Variants in GAB2 observed in about 807,000 individuals in gnomAD.
GAB2 encodes GRB2-associated-binding protein 2.
Under a neutral mutation model 65.5 loss-of-function variants are expected in GAB2, and 26 were observed. That is an observed-to-expected ratio of 0.40 (90% confidence interval 0.29 to 0.55). The LOEUF is 0.55. Ranked by LOEUF, GAB2 falls within the 20% of genes least tolerant of loss-of-function variation. GAB2 has a pLI of 0.53. For synonymous variants in GAB2, 321 were observed against 329.6 expected (o/e 0.97, Z 0.28); for missense variants, 884 against 875.8 (o/e 1.01, Z -0.12).
chr11:78,384,138 G>A (rs1856735670), intron 1 of GAB2, among the ~76,000 whole-genome samples: 1 of 152,182 alleles, frequency 6.6e-6, no homozygotes. Flanking sequence ...TACCAAACCT[G>A]ATGCACCTCA....
At chr11:78,373,285 G>A (rs1043354676) in intron 1 of GAB2, among the ~76,000 whole-genome samples, 21 of 150,216 alleles carry the variant, frequency 1.4e-4, no homozygotes, top group African/African-American at 4.9e-4. Context: ...TGTTGCCCAG[G>A]CTGGAGTGCA....
At chr11:78,264,605 C>G (rs1328279319) in intron 2 of GAB2, among the ~76,000 whole-genome samples, 4 of 151,702 alleles carry the variant, frequency 2.6e-5, no homozygotes, top group Non-Finnish European at 4.4e-5. Context: ...CGGGGTTTCG[C>G]CATGTTGGCC....
intron 1 of GAB2, among the ~76,000 whole-genome samples, chr11:78,376,050 G>GT (rs1856627893): frequency 6.6e-6 from 1 of 152,194 alleles, no homozygotes; most frequent in Admixed American, 6.5e-5. Context: ...AGATCAGAAC[G>GT]TAAGTATAAT....
At chr11:78,407,658 TAAGAAAGAAAGAAAGAAAGA>T (rs375405621) in intron 1 of GAB2, among the ~76,000 whole-genome samples, 9 of 117,138 alleles carry the variant, frequency 7.7e-5, no homozygotes, top group Admixed American at 2.8e-4. Context: ...AGAAAGAAAG[TAAGAAAGAAAGAAAGAAAGA>T]AAGAAAGAAA....
intron 3 of GAB2, among the ~76,000 whole-genome samples, chr11:78,235,471 C>G (rs952906217): frequency 1.3e-5 from 2 of 152,138 alleles, no homozygotes; most frequent in African/African-American, 4.8e-5. Flanking sequence ...TTTTCTATCA[C>G]ATCGTCAGGT....
intron 1 of GAB2, among the ~76,000 whole-genome samples, chr11:78,308,302 G>C (rs944874541): frequency 1.3e-5 from 2 of 152,144 alleles, no homozygotes; most frequent in South Asian, 4.1e-4. Flanking sequence ...GGGAGGCTGA[G>C]GGTGCAGTAA....
intron 1 of GAB2, among the ~76,000 whole-genome samples, chr11:78,389,263 C>G (rs1341861641): frequency 1.1e-4 from 16 of 151,406 alleles, no homozygotes; most frequent in Admixed American, 1.1e-3. Context: ...ACTCCATGTC[C>G]TTTTCTACCT....
At chr11:78,395,583 C>A (rs1378791799) in intron 1 of GAB2, among the ~76,000 whole-genome samples, 1 of 152,214 alleles carries the variant, frequency 6.6e-6, no homozygotes, top group Non-Finnish European at 1.5e-5. Flanking sequence ...CTTTCAGTAA[C>A]CCAGTGTGAC....
At position 78,320,180 on chromosome 11, in the gene GAB2, CAG is replaced by C. The variant is rs1486528052; in HGVS notation, c.76-39281_76-39280del. On this transcript the variant is annotated intron_variant, in intron 1 of 9. Transcript: ENST00000361507. ...GCCACTGCGCCCAGGTGAGAAGAAA[CAG>C]ATAATTTTGAAAAACAATTTTATTT... Among the ~76,000 whole-genome samples the C allele has an allele frequency of 1.3e-4, 20 of 152,242 alleles. No individual in the cohort carries two copies. In the East Asian group the frequency reaches 3.9e-3, roughly 29 times the overall value.
intron 1 of GAB2, among the ~76,000 whole-genome samples, chr11:78,397,179 A>AAAAC (rs778856862): frequency 2.0e-5 from 3 of 152,204 alleles, no homozygotes; most frequent in Non-Finnish European, 2.9e-5. Flanking sequence ...AACCTGTTGC[A>AAAAC]AAACAAACAA....
At chr11:78,348,677 GT>G (rs1856228222) in intron 1 of GAB2, among the ~76,000 whole-genome samples, 1 of 152,176 alleles carries the variant, frequency 6.6e-6, no homozygotes, top group Non-Finnish European at 1.5e-5. Context: ...TTCTCAAAAA[GT>G]TTAACACGTA....
intron 2 of GAB2, among the ~76,000 whole-genome samples, chr11:78,270,125 A>C (rs2510051): frequency 0.2 from 30,455 of 151,970 alleles, 3,292 homozygotes; most frequent in East Asian, 0.4. Flanking sequence ...TCAGGAGATC[A>C]ATATCATCCT....
intron 1 of GAB2, among the ~76,000 whole-genome samples, chr11:78,399,742 C>G (rs1169184159): frequency 6.6e-6 from 1 of 152,170 alleles, no homozygotes; most frequent in African/African-American, 2.4e-5. Flanking sequence ...AAATGTAAGT[C>G]AACATCATCC....
rs1447202749 is a variant in GAB2, at chr11:78,312,629, A to G, written c.76-31728T>C. 3.9e-5 allele frequency among the ~76,000 whole-genome samples: 6 copies of G among 152,092 alleles called. No individual in the cohort carries two copies. The South Asian group carries it at 6.2e-4, about 16-fold the overall frequency. ...GTTTTAGTAGAGACAGGGTTTCACC[A>G]TGTTGGCCAGACTGGTCATGAACTC... On this transcript the variant is annotated intron_variant, in intron 1 of 9. Coordinates refer to ENST00000361507, the MANE Select transcript of GAB2 (RefSeq NM_080491.3).
At chr11:78,230,794 C>A (rs530235888) in intron 3 of GAB2, among the ~76,000 whole-genome samples, 1 of 152,266 alleles carries the variant, frequency 6.6e-6, no homozygotes, top group Admixed American at 6.5e-5. Context: ...GGTGCCCCCA[C>A]TGCGCAAACC....
At chr11:78,406,430 T>A (rs139091324) in intron 1 of GAB2, among the ~76,000 whole-genome samples, 138 of 151,684 alleles carry the variant, frequency 9.1e-4, no homozygotes, top group African/African-American at 2.8e-3. Flanking sequence ...CAGGTTGGAG[T>A]GCAATGGCAT....
rs1257250650 is a variant in GAB2, at chr11:78,346,735, T to TA, written c.76-65835_76-65834insT. On this transcript the variant is annotated intron_variant, in intron 1 of 9. Transcript: ENST00000361507. ...TATATATATATAATTTTTTTTTTTTTTAGGAAAAGAAACAAAATATTCCTG... is the reference window on the plus strand; with the variant it reads ...TATATATATATAATTTTTTTTTTTTTATAGGAAAAGAAACAAAATATTCCTG... Among the ~76,000 whole-genome samples the TA allele has an allele frequency of 8.0e-4, 103 of 128,160 alleles. 2 individuals are homozygous for TA. Among genetic ancestry groups the TA allele is most frequent in the African/African-American group, 2.8e-3 (99 of 35,108 alleles). The allele number at this position is 128,160 out of a possible 152,430, so 84.1% of individuals were successfully genotyped here. A position where few individuals can be genotyped will look rare whatever the true frequency, so the allele number is the denominator to read the frequency against.
chr11:78,355,744 C>CAG (rs1264893199), intron 1 of GAB2, among the ~76,000 whole-genome samples: 5 of 141,270 alleles, frequency 3.5e-5, no homozygotes, highest in African/African-American at 1.3e-4. Flanking sequence ...CAGGTCTTCT[C>CAG]AGAGAGAGAA....
intron 1 of GAB2, among the ~76,000 whole-genome samples, chr11:78,283,010 A>G (rs1227891367): frequency 6.6e-6 from 1 of 152,184 alleles, no homozygotes; most frequent in Non-Finnish European, 1.5e-5. Context: ...ACATACATGG[A>G]GAAAATCATA....
Sources: gnomAD v4.1 joint callset for allele counts (sites outside exome capture counted in the v4.1 genomes callset) on GRCh38, gnomAD v4.1.1 for gene constraint, MANE v1.5 for transcripts, NCBI Gene and HGNC (gene_info 2026-07-23, HGNC 2026-07-21) for gene names.